The following KCNAB1 variants were observed in gnomAD, a reference collection of about 807,000 sequenced individuals.
The protein encoded by KCNAB1 is voltage-gated potassium channel subunit beta-1.
Under a neutral mutation model 64.6 loss-of-function variants are expected in KCNAB1, and 35 were observed. That is an observed-to-expected ratio of 0.54 (90% CI 0.41 to 0.72). The LOEUF is 0.72. Among genes scored for constraint, KCNAB1 ranks in the 30% least tolerant of loss-of-function variants. The pLI is 0.00. For missense variants in KCNAB1, 401 were observed against 512.9 expected, an observed-to-expected ratio of 0.78 and a Z score of 2.11; for synonymous variants, 177 against 183.8, an observed-to-expected ratio of 0.96 and a Z score of 0.30.
At chr3:156,530,392 A>G (rs986853845) in intron 12 of KCNAB1, among the ~76,000 whole-genome samples, 4 of 152,124 alleles carry the variant, frequency 2.6e-5, no homozygotes, top group Admixed American at 2.0e-4. Context: ...TTTTCTATAG[A>G]CATTAGGACA....
intron 8 of KCNAB1, among the ~76,000 whole-genome samples, chr3:156,487,231 G>A (rs186284342): frequency 2.4e-4 from 36 of 152,146 alleles, no homozygotes; most frequent in Middle Eastern, 6.8e-3. Context: ...TAAAGCACTT[G>A]GCCCCCTGTA....
In KCNAB1 at chr3:156,120,879, C is replaced by T; in HGVS notation, c.268C>T (p.Pro90Ser). The change falls in exon 1 of 14, where the codon CCG (proline) becomes TCG (serine). Residue 90 changes from proline to serine, a missense_variant. Physicochemically the swap from Pro to Ser is moderately conservative, Grantham distance 74. Coordinates refer to ENST00000490337, the MANE Select transcript of KCNAB1 (RefSeq NM_172160.3). Reference sequence around the variant, plus strand: ...CACCACCGTCTGCACCACAGGCATGCCGCACAGGTAAGCTGCCCCTGCTCT... The same window carrying T: ...CACCACCGTCTGCACCACAGGCATGTCGCACAGGTAAGCTGCCCCTGCTCT... ...EHTTVCTTGM[P>S]HRNLGKSGLR... The T allele has an allele frequency of 6.2e-7, 1 of 1,613,856 alleles. No homozygotes were observed. Among genetic ancestry groups the T allele is most frequent in the Non-Finnish European group, 8.5e-7 (1 of 1,179,940 alleles).
chr3:156,344,124 C>G (rs1051266791), intron 1 of KCNAB1, among the ~76,000 whole-genome samples: 1 of 152,168 alleles, frequency 6.6e-6, no homozygotes, highest in East Asian at 1.9e-4. Flanking sequence ...ACCCCACCCC[C>G]ACAATGTCTT....
At chr3:156,279,549 T>C (rs1719564523) in intron 1 of KCNAB1, among the ~76,000 whole-genome samples, 1 of 151,866 alleles carries the variant, frequency 6.6e-6, no homozygotes. Context: ...CACACTGACT[T>C]CCACAATGGT....
chr3:156,490,433 A>G (rs1490391342), intron 8 of KCNAB1, among the ~76,000 whole-genome samples: 1 of 152,156 alleles, frequency 6.6e-6, no homozygotes, highest in African/African-American at 2.4e-5. Context: ...AGAAAAAAGA[A>G]AACAGAGTAA....
chr3:156,331,677 G>C (rs1446915195), intron 1 of KCNAB1, among the ~76,000 whole-genome samples: 1 of 151,914 alleles, frequency 6.6e-6, no homozygotes, highest in Non-Finnish European at 1.5e-5. Flanking sequence ...AGCAGATAGT[G>C]GTGGGCATTT....
chr3:156,462,234 T>C (rs1036727151), intron 5 of KCNAB1, among the ~76,000 whole-genome samples: 29 of 152,238 alleles, frequency 1.9e-4, no homozygotes, highest in African/African-American at 6.5e-4. Context: ...TTTGAACATA[T>C]AGTTAATGTG....
At chr3:156,235,166 A>G (rs1295727965) in intron 1 of KCNAB1, among the ~76,000 whole-genome samples, 1 of 152,214 alleles carries the variant, frequency 6.6e-6, no homozygotes, top group Non-Finnish European at 1.5e-5. Flanking sequence ...ATTCGTACAC[A>G]TCAGTCTCTC....
intron 1 of KCNAB1, among the ~76,000 whole-genome samples, chr3:156,163,707 A>C (rs1716213146): frequency 6.6e-6 from 1 of 152,202 alleles, no homozygotes; most frequent in Non-Finnish European, 1.5e-5. Context: ...GAGATATATG[A>C]ATTTTGTCTT....
At position 156,382,754 on chromosome 3, in the gene KCNAB1, C is replaced by T. The variant is rs147421762; in HGVS notation, c.276-38862C>T. 6.2e-3 allele frequency among the ~76,000 whole-genome samples: 943 copies of T among 152,262 alleles called. 10 individuals carry two copies. Among genetic ancestry groups the T allele is most frequent in the African/African-American group, 0.022 (918 of 41,552 alleles). ...ATGGAATTGCCAGACTGAGACTGTCCCAGGTTGTTTTTCCCTCTGGCTTTG... is the reference window on the plus strand; with the variant it reads ...ATGGAATTGCCAGACTGAGACTGTCTCAGGTTGTTTTTCCCTCTGGCTTTG... On this transcript the variant is annotated intron_variant, in intron 1 of 13. Coordinates refer to ENST00000490337, the MANE Select transcript of KCNAB1 (RefSeq NM_172160.3).
chr3:156,386,742 C>G (rs1017268458), intron 1 of KCNAB1, among the ~76,000 whole-genome samples: 17 of 152,184 alleles, frequency 1.1e-4, no homozygotes, highest in Admixed American at 3.3e-4. Flanking sequence ...GTCACCTCAC[C>G]TCATCTCTGA....
At position 156,158,169 on chromosome 3, in the gene KCNAB1, AAAAAAAT is replaced by A. The variant is rs1174646620; in HGVS notation, c.275+37294_275+37300del. Among the ~76,000 whole-genome samples, 53 of 80,780 alleles carry A rather than the reference AAAAAAAT, an allele frequency of 6.6e-4. 1 individual carries two copies. The East Asian group carries it at 9.6e-3, about 15-fold the overall frequency. The allele number at this position is 80,780 out of a possible 152,430, so 53.0% of individuals were successfully genotyped here. On this transcript the variant is annotated intron_variant, in intron 1 of 13. Transcript: ENST00000490337. ...GACAGAGCGAAACTCTGTCTCAAAA[AAAAAAAT>A]AAAAAATAAATAAATAAATAAATAA...
intron 6 of KCNAB1, among the ~76,000 whole-genome samples, 182 bp downstream of exon 6, chr3:156,463,928 G>C (rs6777276): frequency 0.069 from 10,546 of 151,766 alleles, 413 homozygotes; most frequent in African/African-American, 0.11. Flanking sequence ...ATTTTAGCAA[G>C]GTAATCCCAA....
chr3:156,495,094 C>T (rs1715918482), intron 8 of KCNAB1, among the ~76,000 whole-genome samples: 1 of 152,098 alleles, frequency 6.6e-6, no homozygotes, highest in Non-Finnish European at 1.5e-5. Flanking sequence ...CATCATTCGG[C>T]TCCCACTTAT....
Position 156,192,514 on chromosome 3 carries a change from G to A in KCNAB1, c.275+71628G>A, listed in dbSNP as rs116916976. On this transcript the variant is annotated intron_variant, in intron 1 of 13. Coordinates refer to ENST00000490337, the MANE Select transcript of KCNAB1 (RefSeq NM_172160.3). ...AGGTCAAACGATAAACTGGTGGATA[G>A]TGCTGTTCAAGTCTTTGATATCACT... Among the ~76,000 whole-genome samples the A allele has an allele frequency of 3.0e-4, 46 of 152,276 alleles. No individual in the cohort carries two copies. The East Asian group carries it at 7.7e-3, about 26-fold the overall frequency.
intron 1 of KCNAB1, among the ~76,000 whole-genome samples, chr3:156,220,875 T>G (rs1343292937): frequency 6.6e-6 from 1 of 152,244 alleles, no homozygotes; most frequent in Non-Finnish European, 1.5e-5. Flanking sequence ...CTTTAATCTG[T>G]CTTGACTTAA....
chr3:156,484,747 G>A (rs1176189930), intron 8 of KCNAB1, among the ~76,000 whole-genome samples: 1 of 151,564 alleles, frequency 6.6e-6, no homozygotes, highest in African/African-American at 2.4e-5. Context: ...CAGACAGCCG[G>A]GGATAAACAA....
chr3:156,330,778 T>C (rs576222589), intron 1 of KCNAB1, among the ~76,000 whole-genome samples: 3 of 152,248 alleles, frequency 2.0e-5, no homozygotes, highest in Non-Finnish European at 2.9e-5. Context: ...TTTTCTTTTG[T>C]CTTTTAGTGC....
chr3:156,469,423 A>AT (rs1713709580), intron 7 of KCNAB1, among the ~76,000 whole-genome samples: 1 of 151,534 alleles, frequency 6.6e-6, no homozygotes, highest in African/African-American at 2.4e-5. Context: ...TGCCCAGCTA[A>AT]TTTTTTTGTA....
Sources: allele counts gnomAD v4.1 joint callset (sites outside exome capture counted in the v4.1 genomes callset), GRCh38; gene constraint gnomAD v4.1.1; transcripts MANE v1.5; gene names NCBI Gene and HGNC (gene_info 2026-07-23, HGNC 2026-07-21).